Variants in ADAMTS12 observed in about 807,000 individuals in gnomAD.
The protein encoded by ADAMTS12 is ADAM metallopeptidase with thrombospondin type 1 motif 12, also known as A disintegrin and metalloproteinase with thrombospondin motifs 12.
ADAMTS12 carries 118 observed loss-of-function variants against 167.8 expected under a neutral mutation model. That is an observed-to-expected ratio of 0.70 (90% CI 0.61 to 0.82). ADAMTS12 has a LOEUF of 0.82. Ranked by LOEUF, ADAMTS12 falls within the 40% of genes least tolerant of loss-of-function variation. The probability of loss-of-function intolerance (pLI) is 0.00; values close to 1 mark genes in which losing one functional copy is unlikely to be tolerated. For synonymous variants in ADAMTS12, 704 were observed against 716.9 expected, an observed-to-expected ratio of 0.98 and a Z score of 0.29; for missense variants, 1,916 against 1,998.8, an observed-to-expected ratio of 0.96 and a Z score of 0.79.
chr5:33,712,411 G>T (rs975208122), intron 3 of ADAMTS12, among the ~76,000 whole-genome samples: 10 of 152,096 alleles, frequency 6.6e-5, no homozygotes, highest in Non-Finnish European at 4.4e-5. Flanking sequence ...TGAAACTTGG[G>T]CAGGGAGAAG....
intron 2 of ADAMTS12, among the ~76,000 whole-genome samples, chr5:33,871,425 C>A (rs1750034389): frequency 6.6e-6 from 1 of 152,056 alleles, no homozygotes; most frequent in African/African-American, 2.4e-5. Flanking sequence ...AAAAGAATAT[C>A]TTTCATAAAT....
intron 5 of ADAMTS12, among the ~76,000 whole-genome samples, chr5:33,666,831 T>C (rs1741489435): frequency 6.6e-6 from 1 of 152,210 alleles, no homozygotes. Context: ...AAATTATTGC[T>C]ATTAGGTGTG....
chr5:33,614,809 TAATA>T (rs1401917248), intron 15 of ADAMTS12, among the ~76,000 whole-genome samples: 1 of 152,218 alleles, frequency 6.6e-6, no homozygotes, highest in Non-Finnish European at 1.5e-5. Flanking sequence ...AAAGTGGGGA[TAATA>T]AATAGTGCCT....
chr5:33,777,373 C>T (rs1745950872), intron 2 of ADAMTS12, among the ~76,000 whole-genome samples: 1 of 152,014 alleles, frequency 6.6e-6, no homozygotes, highest in South Asian at 2.1e-4. Context: ...AATAATTCTA[C>T]ACACAAAAAT....
chr5:33,730,569 T>C (rs758676387), intron 3 of ADAMTS12, among the ~76,000 whole-genome samples: 10 of 152,206 alleles, frequency 6.6e-5, no homozygotes, highest in Non-Finnish European at 1.2e-4. Flanking sequence ...TATAATTTTA[T>C]TGTTTTTTGT....
At chr5:33,884,097 T>C (rs766035263) in intron 1 of ADAMTS12, among the ~76,000 whole-genome samples, 7 of 152,202 alleles carry the variant, frequency 4.6e-5, no homozygotes, top group Non-Finnish European at 7.3e-5. Flanking sequence ...GTGCCCTGTA[T>C]GTAGTCAGTG....
chr5:33,573,724 A>G (rs1235157124), intron 19 of ADAMTS12, among the ~76,000 whole-genome samples: 1 of 152,214 alleles, frequency 6.6e-6, no homozygotes, highest in Non-Finnish European at 1.5e-5. Context: ...AGCAATGGCA[A>G]CAAAAGCCAA....
At chr5:33,663,755 C>T (rs1267682549) in intron 5 of ADAMTS12, among the ~76,000 whole-genome samples, 4 of 152,136 alleles carry the variant, frequency 2.6e-5, no homozygotes, top group Admixed American at 2.6e-4. Flanking sequence ...GACAGGAAGG[C>T]ATGTTATCAC....
At chr5:33,677,979 C>T (rs182529206) in intron 5 of ADAMTS12, among the ~76,000 whole-genome samples, 1 of 152,186 alleles carries the variant, frequency 6.6e-6, no homozygotes, top group Non-Finnish European at 1.5e-5. Flanking sequence ...ATAGCCTAAC[C>T]TCAAGGTCTG....
At chr5:33,621,840 A>T (rs962968504) in intron 14 of ADAMTS12, among the ~76,000 whole-genome samples, 1 of 152,234 alleles carries the variant, frequency 6.6e-6, no homozygotes, top group Admixed American at 6.5e-5. Context: ...CACAAACCAC[A>T]GAGTGAGGAA....
At chr5:33,529,279 C>T (rs1187333749) in intron 23 of ADAMTS12, among the ~76,000 whole-genome samples, 1 of 152,186 alleles carries the variant, frequency 6.6e-6, no homozygotes, top group Non-Finnish European at 1.5e-5. Flanking sequence ...TTTTCCCATA[C>T]ATGAGTCAGG....
At chr5:33,791,416 T>C (rs1431621208) in intron 2 of ADAMTS12, among the ~76,000 whole-genome samples, 1 of 152,216 alleles carries the variant, frequency 6.6e-6, no homozygotes, top group Non-Finnish European at 1.5e-5. Flanking sequence ...CTGTAAGATA[T>C]ATTTTATTAA....
intron 2 of ADAMTS12, among the ~76,000 whole-genome samples, chr5:33,835,730 C>T (rs1051724040): frequency 6.6e-6 from 1 of 152,154 alleles, no homozygotes; most frequent in Non-Finnish European, 1.5e-5. Flanking sequence ...TTTAACATAT[C>T]AATTTTGGAG....
intron 2 of ADAMTS12, among the ~76,000 whole-genome samples, chr5:33,783,899 A>G (rs1171417700): frequency 6.6e-6 from 1 of 151,916 alleles, no homozygotes; most frequent in African/African-American, 2.4e-5. Flanking sequence ...AAAGACACTA[A>G]GAAGATACCA....
At position 33,560,715 on chromosome 5, in the gene ADAMTS12, A is replaced by C. The variant is rs1185570392; in HGVS notation, c.4125+312T>G. Among the ~76,000 whole-genome samples, 5 of 146,672 alleles carry C rather than the reference A, an allele frequency of 3.4e-5. No homozygotes were observed. In the East Asian group the frequency reaches 1.0e-3, roughly 30 times the overall value. ...TGTTCTCACTCATAGGTGGGAATTA[A>C]ACAATGAGAACACATGGACACAGGA... On this transcript the variant is annotated intron_variant, in intron 20 of 23. Coordinates refer to ENST00000504830, the MANE Select transcript of ADAMTS12 (RefSeq NM_030955.4).
At chr5:33,835,685 C>A (rs1310190480) in intron 2 of ADAMTS12, among the ~76,000 whole-genome samples, 1 of 109,668 alleles carries the variant, frequency 9.1e-6, no homozygotes, top group Non-Finnish European at 1.7e-5. Context: ...TCCCAATGGC[C>A]CTACCCCTAA....
chr5:33,845,257 C>G (rs1248250145), intron 2 of ADAMTS12, among the ~76,000 whole-genome samples: 1 of 152,156 alleles, frequency 6.6e-6, no homozygotes, highest in Non-Finnish European at 1.5e-5. Flanking sequence ...TTCAAAATAT[C>G]ACTCTTCAGA....
At chr5:33,683,771 C>G (rs1742218459) in intron 4 of ADAMTS12, 88 bp downstream of exon 4, 2 of 1,044,524 alleles carry the variant, frequency 1.9e-6, no homozygotes, top group East Asian at 2.8e-5. Context: ...TAAAAGGACC[C>G]CAAAAAGGCC....
At position 33,675,879 on chromosome 5, in the gene ADAMTS12, A is replaced by C. The variant is rs1227975796; in HGVS notation, c.915+7139T>G. On this transcript the variant is annotated intron_variant, in intron 5 of 23. Transcript: ENST00000504830. ...ATTAAATTGAGGCAGCCCTAAGCAC[A>C]CAAAAAATGCAACAGGACTTCAGAG... Among the ~76,000 whole-genome samples the C allele has an allele frequency of 2.0e-5, 3 of 152,198 alleles. No individual in the cohort carries two copies. In the South Asian group the frequency reaches 6.2e-4, roughly 32 times the overall value.
Sources: gnomAD v4.1 joint callset for allele counts (sites outside exome capture counted in the v4.1 genomes callset) on GRCh38, gnomAD v4.1.1 for gene constraint, MANE v1.5 for transcripts, NCBI Gene and HGNC (gene_info 2026-07-23, HGNC 2026-07-21) for gene names.